The following TBXAS1 variants were observed in gnomAD, a reference collection of about 807,000 sequenced individuals.
TBXAS1 encodes the protein thromboxane A synthase 1.
In TBXAS1, 48 loss-of-function variants were observed where a neutral mutation model predicts 60.7. The observed-to-expected ratio is 0.79, with a 90% CI of 0.63 to 1.01. The LOEUF is 1.01. Among genes scored for constraint, TBXAS1 ranks in the 50% least tolerant of loss-of-function variants. TBXAS1 has a pLI of 0.00. For synonymous variants in TBXAS1, 287 were observed against 269.7 expected (o/e 1.06, Z -0.63); for missense variants, 685 against 686.3 (o/e 1.00, Z 0.02).
At chr7:139,957,545 C>T in intron 7 of TBXAS1, 89 bp from the exon 8 acceptor site, 1 of 1,586,316 alleles carries the variant, frequency 6.3e-7, no homozygotes, top group Non-Finnish European at 8.6e-7. Flanking sequence ...CGATTCCAGG[C>T]CCGCGTTTGC....
At position 139,790,508 on chromosome 7, in the gene TBXAS1, A is replaced by G. The variant is rs1797348378; in HGVS notation, c.-80+3082A>G. On this transcript the variant is annotated intron_variant, in intron 4 of 16. Transcript: ENST00000336425. ...CTTCTGTCAAAACAACAAAACCTAT[A>G]TCGTTTGAGTGATTAGTCAAGGACA... 2.0e-5 allele frequency among the ~76,000 whole-genome samples: 3 copies of G among 152,248 alleles called. No individual in the cohort carries two copies. The South Asian group carries it at 6.2e-4, about 31-fold the overall frequency.
In TBXAS1 at chr7:139,999,947, A is replaced by G. The variant is rs761550804; in HGVS notation, c.1135-7144A>G. 6.6e-5 allele frequency among the ~76,000 whole-genome samples: 10 copies of G among 152,214 alleles called. No individual in the cohort carries two copies. The highest frequency in any genetic ancestry group is 1.2e-4 in the Non-Finnish European group (8 of 68,042). On this transcript the variant is annotated intron_variant, in intron 9 of 12. Coordinates refer to ENST00000448866, the MANE Select transcript of TBXAS1 (RefSeq NM_001061.7). This position sits in a 1 kb window ranked among gnomAD's most constrained non-coding sequence, Gnocchi z 4.3. ...TCCAGGAAAAATCTTTGTGAAAGCA[A>G]TGACATTTTTATTTTCTTTTTCTCA...
At chr7:139,873,059 G>T (rs1460140685) in intron 2 of TBXAS1, among the ~76,000 whole-genome samples, 1 of 152,200 alleles carries the variant, frequency 6.6e-6, no homozygotes, top group East Asian at 1.9e-4. Context: ...TCAGAGGAGA[G>T]GGTGATCTGT....
At chr7:139,899,827 C>T (rs1275982526) in intron 3 of TBXAS1, among the ~76,000 whole-genome samples, 3 of 152,096 alleles carry the variant, frequency 2.0e-5, no homozygotes, top group Non-Finnish European at 2.9e-5. Context: ...AGCACTGGAG[C>T]GGGTTCAAAG....
chr7:139,922,204 C>T (rs768968633), intron 4 of TBXAS1, among the ~76,000 whole-genome samples: 6 of 151,260 alleles, frequency 4.0e-5, no homozygotes, highest in South Asian at 2.1e-4. Context: ...TGGGTTCAAG[C>T]GATTCTCCTG....
At chr7:139,832,833 G>T (rs1798797533) in intron 1 of TBXAS1, among the ~76,000 whole-genome samples, 1 of 152,164 alleles carries the variant, frequency 6.6e-6, no homozygotes, top group South Asian at 2.1e-4. Context: ...TCAATTATCA[G>T]CCAAGAATGT....
At chr7:140,014,736 A>AC (rs1017287167) in intron 10 of TBXAS1, among the ~76,000 whole-genome samples, 2 of 151,604 alleles carry the variant, frequency 1.3e-5, no homozygotes, top group South Asian at 2.1e-4. Context: ...TGGTGAAACC[A>AC]CCCCCCGTCT....
At chr7:139,961,879 G>GT (rs1810376662) in intron 8 of TBXAS1, 40 bp from the exon 9 acceptor site, 1 of 1,613,030 alleles carries the variant, frequency 6.2e-7, no homozygotes, top group Non-Finnish European at 8.5e-7. Flanking sequence ...CTTCATGACT[G>GT]TAAGGTCAAA....
intron 9 of TBXAS1, among the ~76,000 whole-genome samples, chr7:139,964,075 G>A (rs1255012235): frequency 3.3e-5 from 5 of 152,036 alleles, no homozygotes; most frequent in African/African-American, 1.2e-4. Flanking sequence ...TGCTTAGGTC[G>A]CTGCCCATTC....
chr7:139,872,142 T>C, intron 1 of TBXAS1, 93 bp from the exon 2 acceptor site: 8 of 1,323,258 alleles, frequency 6.0e-6, no homozygotes, highest in Non-Finnish European at 8.7e-6. Flanking sequence ...TTGCCTTTAC[T>C]TCCAGAGAGC....
chr7:139,863,247 G>A (rs1801098229), intron 1 of TBXAS1, among the ~76,000 whole-genome samples: 1 of 152,114 alleles, frequency 6.6e-6, no homozygotes, highest in Non-Finnish European at 1.5e-5. Context: ...TTTTTCTTGT[G>A]CAGTGACAAA....
At chr7:139,870,612 G>A (rs772982200) in intron 1 of TBXAS1, among the ~76,000 whole-genome samples, 8 of 152,162 alleles carry the variant, frequency 5.3e-5, no homozygotes, top group South Asian at 2.1e-4. Flanking sequence ...AATCCTTGGC[G>A]TTCACGTGTG....
At chr7:139,897,229 G>A (rs917128102) in intron 3 of TBXAS1, among the ~76,000 whole-genome samples, 1 of 152,024 alleles carries the variant, frequency 6.6e-6, no homozygotes, top group Non-Finnish European at 1.5e-5. Context: ...CAAGAAAAGA[G>A]GAGCCGTTCC....
chr7:140,013,411 T>A lies in TBXAS1; in HGVS notation c.1227-2312T>A, dbSNP rs1297646855. 6.6e-6 allele frequency among the ~76,000 whole-genome samples: 1 copy of A among 152,160 alleles called. No individual in the cohort carries two copies. The highest frequency in any genetic ancestry group is 1.5e-5 in the Non-Finnish European group (1 of 68,026). On this transcript the variant is annotated intron_variant, in intron 10 of 12. Transcript: ENST00000448866. This position sits in a 1 kb window ranked among gnomAD's most constrained non-coding sequence, Gnocchi z 4.2. The stretch of plus-strand genomic sequence containing the variant: ...CACTCCAAGAGTTGAGTTGTGTGGC[T>A]CCAGGTAGACTCATTTCCCAGGGTC...
chr7:139,994,103 G>A (rs371517140), intron 9 of TBXAS1, among the ~76,000 whole-genome samples: 79 of 151,794 alleles, frequency 5.2e-4, no homozygotes, highest in African/African-American at 1.7e-3. Context: ...GTGCAATGGC[G>A]TGATCTGGGC....
At chr7:140,011,199 T>C (rs1240121999) in intron 10 of TBXAS1, among the ~76,000 whole-genome samples, 4 of 151,578 alleles carry the variant, frequency 2.6e-5, no homozygotes, top group African/African-American at 9.7e-5. Flanking sequence ...ATTGCTTGAA[T>C]CTGGGAGGCG....
At chr7:139,924,528 T>A (rs1445613670) in intron 4 of TBXAS1, among the ~76,000 whole-genome samples, 1 of 152,188 alleles carries the variant, frequency 6.6e-6, no homozygotes, top group Non-Finnish European at 1.5e-5. Context: ...GCAGAGTTGT[T>A]TGAGCTCCTT....
intron 9 of TBXAS1, among the ~76,000 whole-genome samples, chr7:139,967,268 C>T (rs1294893692): frequency 6.6e-6 from 1 of 152,250 alleles, no homozygotes; most frequent in Admixed American, 6.5e-5. Flanking sequence ...AAGTACTTTT[C>T]CTTTGCTCAA....
At chr7:139,844,766 C>T (rs927630002) in intron 1 of TBXAS1, among the ~76,000 whole-genome samples, 11 of 152,154 alleles carry the variant, frequency 7.2e-5, no homozygotes, top group Admixed American at 7.2e-4. Context: ...AAATTGGTAG[C>T]ATCATCTCAT....
Sources: gnomAD v4.1 joint callset for allele counts (sites outside exome capture counted in the v4.1 genomes callset) on GRCh38, gnomAD v4.1.1 for gene constraint, Gnocchi (gnomAD v3.1) non-coding constraint, MANE v1.5 for transcripts, NCBI Gene and HGNC (gene_info 2026-07-23, HGNC 2026-07-21) for gene names.